The following AHCY variants were observed in gnomAD, a reference collection of about 807,000 sequenced individuals.
The protein encoded by AHCY is adenosylhomocysteinase.
AHCY carries 24 observed loss-of-function variants against 45.4 expected under a neutral mutation model. The observed-to-expected ratio is 0.53, with a 90% CI of 0.38 to 0.74. The LOEUF (loss-of-function observed/expected upper bound fraction) is 0.74, where lower values mean the gene tolerates loss of function less well. Among genes scored for constraint, AHCY ranks in the 30% least tolerant of loss-of-function variants. AHCY has a pLI of 0.00. For missense variants in AHCY, 449 were observed against 594.1 expected, an observed-to-expected ratio of 0.76 and a Z score of 2.54; for synonymous variants, 245 against 235.1, an observed-to-expected ratio of 1.04 and a Z score of -0.39.
At chr20:34,298,931 CT>C (rs2036677894) in intron 1 of AHCY, among the ~76,000 whole-genome samples, 1 of 152,188 alleles carries the variant, frequency 6.6e-6, no homozygotes, top group African/African-American at 2.4e-5. Context: ...GAAGGGCCCC[CT>C]GTCCAGTGGA....
chr20:34,297,710 T>C lies in AHCY; in HGVS notation c.29-2125A>G, dbSNP rs184491564. On this transcript the variant is annotated intron_variant, in intron 1 of 9. Coordinates refer to ENST00000217426, the MANE Select transcript of AHCY (RefSeq NM_000687.4). ...TACTCTCCTCAACCCTCCAACACCT[T>C]TCCCCATTGAATGACAATCTCACTT... is the stretch of plus-strand genomic sequence containing the variant. Among the ~76,000 whole-genome samples the C allele has an allele frequency of 3.9e-5, 6 of 152,280 alleles. No homozygotes were observed. The East Asian group carries it at 9.6e-4, about 24-fold the overall frequency.
At chr20:34,236,009 AGAAAG>A in the AHCY span, among the ~76,000 whole-genome samples, 1 of 107,518 alleles carries the variant, frequency 9.3e-6, no homozygotes, top group Non-Finnish European at 1.7e-5. Flanking sequence ...GGAGAAAGAG[AGAAAG>A]AGAGAGAGAA....
chr20:34,284,643 A>G (rs2036111656), intron 9 of AHCY, among the ~76,000 whole-genome samples: 2 of 152,134 alleles, frequency 1.3e-5, no homozygotes, highest in Admixed American at 1.3e-4. Flanking sequence ...CAATATGGCA[A>G]AACCCCGTCT....
In AHCY at chr20:34,295,604, G is replaced by C; in HGVS notation, c.29-19C>G. On this transcript the variant is annotated intron_variant, in intron 1 of 9. Transcript: ENST00000217426. ...ATGTCGGCTACGGGAGGAAACAGGT[G>C]GGAGTTCCGTGAGTCCCCTCATCCC... is the stretch of plus-strand genomic sequence containing the variant. 6.2e-7 allele frequency: 1 copy of C among 1,612,142 alleles called. No individual in the cohort carries two copies.
In AHCY at chr20:34,287,705, T is replaced by C. The variant is rs548076274; in HGVS notation, c.973-2071A>G. ...CCGTGCCTGGCCAGAAGGGGGTCTC[T>C]TGAGCTGGGCTGAGAAGATGAACAA... On this transcript the variant is annotated intron_variant, in intron 8 of 9. Coordinates refer to ENST00000217426, the MANE Select transcript of AHCY (RefSeq NM_000687.4). Among the ~76,000 whole-genome samples the C allele has an allele frequency of 3.6e-3, 545 of 152,256 alleles. 6 individuals carry two copies. The highest frequency in any genetic ancestry group is 0.012 in the African/African-American group (510 of 41,544).
chr20:34,246,423 T>C, the AHCY span: 1 of 1,369,496 alleles, frequency 7.3e-7, no homozygotes, highest in East Asian at 2.3e-5. Context: ...CAGTACTCTG[T>C]TGGTAATGAA....
At chr20:34,269,901 GC>G in the AHCY span, among the ~76,000 whole-genome samples, 1 of 129,010 alleles carries the variant, frequency 7.8e-6, no homozygotes, top group Admixed American at 8.4e-5. Flanking sequence ...CTGAGATCAC[GC>G]CGTTGCACTC....
the AHCY span, among the ~76,000 whole-genome samples, chr20:34,271,737 G>T: frequency 6.6e-6 from 1 of 151,784 alleles, no homozygotes; most frequent in Non-Finnish European, 1.5e-5. Context: ...GCTAATTTTT[G>T]TATTTTTAGT....
downstream of AHCY, among the ~76,000 whole-genome samples, chr20:34,277,779 A>C (rs2035921704): frequency 6.7e-6 from 1 of 148,234 alleles, no homozygotes; most frequent in African/African-American, 2.6e-5. Context: ...AAAAAAAAAA[A>C]CTCAGCATAA....
chr20:34,295,890 C>T (rs563585978), intron 1 of AHCY, among the ~76,000 whole-genome samples: 2 of 152,192 alleles, frequency 1.3e-5, no homozygotes, highest in South Asian at 4.2e-4. Context: ...TTCCCACTAC[C>T]CTGCCTTTCT....
chr20:34,299,099 C>T (rs1388603652), intron 1 of AHCY, among the ~76,000 whole-genome samples: 1 of 152,122 alleles, frequency 6.6e-6, no homozygotes, highest in Admixed American at 6.5e-5. Flanking sequence ...GGCCCAGCTG[C>T]CTTTTCTCTT....
chr20:34,235,843 AG>A, the AHCY span, among the ~76,000 whole-genome samples: 10 of 38,018 alleles, frequency 2.6e-4, no homozygotes, highest in Admixed American at 5.6e-4. Context: ...GAAAGAAAGA[AG>A]GAAGGAAGGA....
rs978859696 is a variant in AHCY, at chr20:34,292,457, G to A, written c.346C>T (p.Gln116Ter). 28 of 1,614,002 alleles carry A rather than the reference G, an allele frequency of 1.7e-5. No individual in the cohort carries two copies. The highest frequency in any genetic ancestry group is 1.9e-5 in the Non-Finnish European group (23 of 1,180,058). Residue 116 changes from glutamine (Q) to a stop codon, truncating the protein, a stop_gained, in exon 4 of 10, where the codon CAG (glutamine) becomes TAG (stop). Transcript: ENST00000217426. LOFTEE classifies it high-confidence loss of function. ...TDEEYLWCIE[Q>*]TLYFKDGPLN... The stretch of plus-strand genomic sequence containing the variant: ...GGCCCGTCCTTGAAGTACAGGGTCT[G>A]CTCAATGCACCACAGGTACTCCTCG...
chr20:34,269,029 C>G, the AHCY span: 61 of 1,608,010 alleles, frequency 3.8e-5, no homozygotes, highest in African/African-American at 5.3e-5. Flanking sequence ...GGCCCCGGAC[C>G]CCCCTATCTG....
At chr20:34,306,110 A>T (rs1383874546), upstream of AHCY, among the ~76,000 whole-genome samples, 10 of 151,868 alleles carry the variant, frequency 6.6e-5, no homozygotes, top group Non-Finnish European at 1.0e-4. Context: ...AAAAAAAAAG[A>T]AATGTGAATT....
chr20:34,241,537 G>T, the AHCY span: 52 of 985,338 alleles, frequency 5.3e-5, no homozygotes, highest in Non-Finnish European at 6.3e-5. Context: ...TGAAGCTGCT[G>T]CTACTTTGGA....
In AHCY at chr20:34,285,683, C is replaced by G. The variant is rs1399499357; in HGVS notation, c.973-49G>C. 1.9e-6 allele frequency: 3 copies of G among 1,600,300 alleles called. No homozygotes were observed. The East Asian group carries it at 6.7e-5, about 36-fold the overall frequency. ...GAAGGCAGGCAGGGCCCCGCTCCCA[C>G]AGCCCACCCTCTGATCTGGCAGGCC... On this transcript the variant is annotated intron_variant, in intron 8 of 9. Coordinates refer to ENST00000217426, the MANE Select transcript of AHCY (RefSeq NM_000687.4).
chr20:34,258,690 T>TATATATATATATATATATATATATAC, the AHCY span, among the ~76,000 whole-genome samples: 166 of 72,290 alleles, frequency 2.3e-3, 13 homozygotes, highest in Non-Finnish European at 3.1e-3. Flanking sequence ...TATATATATA[T>TATATATATATATATATATATATATAC]ACATACTATA....
At chr20:34,302,822 T>C in intron 1 of AHCY, 1 of 1,032,354 alleles carries the variant, frequency 9.7e-7, no homozygotes, top group Non-Finnish European at 1.2e-6. Context: ...TCGCCGTCCC[T>C]GTAGGAGGCC....
Sources: gnomAD v4.1 joint callset for allele counts (sites outside exome capture counted in the v4.1 genomes callset) on GRCh38, gnomAD v4.1.1 for gene constraint, MANE v1.5 for transcripts, NCBI Gene and HGNC (gene_info 2026-07-23, HGNC 2026-07-21) for gene names.